Variants in WDFY3 observed in about 807,000 individuals in gnomAD.
WDFY3 encodes WD repeat and FYVE domain containing 3, also known as WD repeat and FYVE domain-containing protein 3.
Under a neutral mutation model 409.6 loss-of-function variants are expected in WDFY3, and 66 were observed. That is an observed-to-expected ratio of 0.16 (90% CI 0.13 to 0.20). The LOEUF is 0.20. Among genes scored for constraint, WDFY3 ranks in the 10% least tolerant of loss-of-function variants. The pLI is 1.00. For missense variants in WDFY3, 3,031 were observed against 4,298.1 expected (o/e 0.71, Z 8.24); for synonymous variants, 1,521 against 1,537.1 (o/e 0.99, Z 0.25).
rs1041620687 is a variant in WDFY3 at position 84,724,568 on chromosome 4, T to G, written c.7299A>C (p.Val2433=). The stretch of plus-strand genomic sequence containing the variant: ...TGTAGTACTCTTTACTGTCATAACT[T>G]ACGGCTCTTCTATATCGAGCAGGTT... ...QKKPARYRRA[V]SYDSKEYYMR... The change falls in exon 46 of 68, where the codon GTA becomes GTC. Residue 2433 remains valine, a synonymous_variant. Transcript: ENST00000295888. 1 of 1,613,486 alleles carries G rather than the reference T, an allele frequency of 6.2e-7. No individual in the cohort carries two copies. Among genetic ancestry groups the G allele is most frequent in the Non-Finnish European group, 8.5e-7 (1 of 1,179,862 alleles).
chr4:84,922,926 G>A (rs1206742820), intron 2 of WDFY3, among the ~76,000 whole-genome samples: 4 of 152,178 alleles, frequency 2.6e-5, no homozygotes, highest in African/African-American at 9.7e-5. Context: ...TTTACTCTTT[G>A]TATATTGCTT....
intron 1 of WDFY3, among the ~76,000 whole-genome samples, chr4:84,938,724 C>T (rs1408686161): frequency 3.3e-5 from 5 of 152,134 alleles, no homozygotes; most frequent in African/African-American, 1.2e-4. Context: ...CACTCATACT[C>T]AGATTCAGCC....
chr4:84,674,863 G>A lies in WDFY3; in HGVS notation c.10458-1872C>T, dbSNP rs574674292. On this transcript the variant is annotated intron_variant, in intron 67 of 67. Coordinates refer to ENST00000295888, the MANE Select transcript of WDFY3 (RefSeq NM_014991.6). ...AGCCTGGGTGACAGAGTGAGACTCC[G>A]TCTCAAAAAAAATAAAAATAAAAAT... Among the ~76,000 whole-genome samples the A allele has an allele frequency of 1.5e-3, 220 of 151,358 alleles. 1 individual carries two copies. In the South Asian group the frequency reaches 0.024, roughly 17 times the overall value.
chr4:84,818,516 A>T (rs900859672), intron 12 of WDFY3, among the ~76,000 whole-genome samples: 3 of 152,082 alleles, frequency 2.0e-5, no homozygotes, highest in African/African-American at 7.2e-5. Flanking sequence ...GTATTCTGCT[A>T]TAGCAGCCAC....
chr4:84,857,386 T>C (rs758151916), intron 4 of WDFY3, among the ~76,000 whole-genome samples: 1 of 152,140 alleles, frequency 6.6e-6, no homozygotes, highest in Non-Finnish European at 1.5e-5. Flanking sequence ...GATACATATA[T>C]ATGTAGGCTA....
At position 84,810,252 on chromosome 4, in the gene WDFY3, A is replaced by C; in HGVS notation, c.1980T>G (p.Ala660=). The change falls in exon 14 of 68, where the codon GCT becomes GCG. Residue 660 remains alanine (A), a synonymous_variant. Coordinates refer to ENST00000295888, the MANE Select transcript of WDFY3 (RefSeq NM_014991.6). Reference sequence around the variant, plus strand: ...GTGGACAGCTCAAAGATCTTTCCATAGCAACGAGCAAGGATGTAATGTACA... The same window carrying C: ...GTGGACAGCTCAAAGATCTTTCCATCGCAACGAGCAAGGATGTAATGTACA... ...GFVYITSLLV[A]MERSLSCPPK... 1 of 1,614,124 alleles carries C rather than the reference A, an allele frequency of 6.2e-7. No individual in the cohort carries two copies.
In WDFY3 at chr4:84,839,010, T is replaced by C. The variant is rs192259784; in HGVS notation, c.415-1920A>G. ...CACTCAAACAAGGTAGCTCCAAACA[T>C]AACACTGAATTTGCTTTTTAAATGT... On this transcript the variant is annotated intron_variant, in intron 6 of 67. Transcript: ENST00000295888. Among the ~76,000 whole-genome samples, 211 of 152,286 alleles carry C rather than the reference T, an allele frequency of 1.4e-3. 1 individual carries two copies. Among genetic ancestry groups the C allele is most frequent in the African/African-American group, 4.8e-3 (200 of 41,574 alleles).
In WDFY3 at chr4:84,850,926, C is replaced by CTTTTTTTTTTTTT. The variant is rs781440189; in HGVS notation, c.181-902_181-901insAAAAAAAAAAAAA. Reference sequence around the variant, plus strand: ...AATTCTTATTTTTAATTTTATTTATCTGTTTTTTTTTTTTTTTTTTTTTTT... The same window carrying CTTTTTTTTTTTTT: ...AATTCTTATTTTTAATTTTATTTATCTTTTTTTTTTTTTTGTTTTTTTTTTTTTTTTTTTTTTT... On this transcript the variant is annotated intron_variant, in intron 4 of 67. Coordinates refer to ENST00000295888, the MANE Select transcript of WDFY3 (RefSeq NM_014991.6). Among the ~76,000 whole-genome samples, 63 of 32,154 alleles carry CTTTTTTTTTTTTT rather than the reference C, an allele frequency of 2.0e-3. 6 individuals carry two copies. The highest frequency in any genetic ancestry group is 2.9e-3 in the African/African-American group (24 of 8,238). The allele number at this position is 32,154 out of a possible 152,430, so 21.1% of individuals were successfully genotyped here.
chr4:84,902,182 C>T (rs1302608744), intron 2 of WDFY3, among the ~76,000 whole-genome samples: 1 of 152,166 alleles, frequency 6.6e-6, no homozygotes, highest in Non-Finnish European at 1.5e-5. Flanking sequence ...TTGCACTATA[C>T]ATGGTCTGCA....
intron 2 of WDFY3, among the ~76,000 whole-genome samples, chr4:84,920,397 T>C (rs974717947): frequency 9.2e-5 from 14 of 152,222 alleles, no homozygotes; most frequent in African/African-American, 3.1e-4. Context: ...TAAAGGGCCA[T>C]AATATGTTCA....
intron 53 of WDFY3, among the ~76,000 whole-genome samples, chr4:84,706,268 A>G (rs76812097): frequency 0.067 from 10,199 of 152,240 alleles, 473 homozygotes; most frequent in Admixed American, 0.13. Context: ...TTTTATTTTT[A>G]AAAATCTTGG....
At chr4:84,723,817 G>A (rs371884347) in intron 46 of WDFY3, among the ~76,000 whole-genome samples, 27 of 152,182 alleles carry the variant, frequency 1.8e-4, no homozygotes, top group African/African-American at 5.3e-4. Flanking sequence ...ATGTGTTAAG[G>A]TAGGGATAAT....
At chr4:84,725,209 C>T (rs191769427) in intron 45 of WDFY3, among the ~76,000 whole-genome samples, 1 of 152,318 alleles carries the variant, frequency 6.6e-6, no homozygotes, top group Admixed American at 6.5e-5. Flanking sequence ...CTCTGGTTAG[C>T]TTGCCACTGC....
At chr4:84,886,406 G>A (rs1017649265) in intron 3 of WDFY3, 2 of 149,846 alleles carry the variant, frequency 1.3e-5, no homozygotes, top group African/African-American at 4.9e-5. Flanking sequence ...AATGCTTCAC[G>A]AATTTGCATG....
At chr4:84,732,258 A>C (rs1406620092) in intron 44 of WDFY3, among the ~76,000 whole-genome samples, 1 of 152,186 alleles carries the variant, frequency 6.6e-6, no homozygotes, top group Non-Finnish European at 1.5e-5. Context: ...TTATTTTAAA[A>C]ATGTTACTGT....
chr4:84,886,179 T>C (rs1490395684), intron 3 of WDFY3, among the ~76,000 whole-genome samples: 1 of 152,182 alleles, frequency 6.6e-6, no homozygotes, highest in Non-Finnish European at 1.5e-5. Context: ...TTTAAAATGG[T>C]TGTATCTGTC....
chr4:84,710,823 T>C (rs1732757606), intron 51 of WDFY3, among the ~76,000 whole-genome samples: 1 of 152,216 alleles, frequency 6.6e-6, no homozygotes, highest in Admixed American at 6.5e-5. Context: ...CGCTTACAAG[T>C]AGAAAAAAGG....
At chr4:84,784,891 T>TATACAC (rs1238884117) in intron 24 of WDFY3, among the ~76,000 whole-genome samples, 107 of 36,918 alleles carry the variant, frequency 2.9e-3, no homozygotes, top group African/African-American at 8.1e-3. Flanking sequence ...TATATATATA[T>TATACAC]ACACACACAC....
At chr4:84,883,651 G>C (rs1366561637) in intron 3 of WDFY3, among the ~76,000 whole-genome samples, 1 of 152,072 alleles carries the variant, frequency 6.6e-6, no homozygotes, top group African/African-American at 2.4e-5. Flanking sequence ...AGCATACCTA[G>C]CTGTTATTTT....
Sources: allele counts gnomAD v4.1 joint callset (sites outside exome capture counted in the v4.1 genomes callset), GRCh38; gene constraint gnomAD v4.1.1; transcripts MANE v1.5; gene names NCBI Gene and HGNC (gene_info 2026-07-23, HGNC 2026-07-21).